Variants in CLSTN2 observed in about 807,000 individuals in gnomAD.
CLSTN2 encodes the protein calsyntenin 2.
In CLSTN2, 48 loss-of-function variants were observed where a neutral mutation model predicts 101.2. The ratio of observed to expected loss-of-function variants is 0.47; its 90% CI spans 0.38 to 0.60. The LOEUF (loss-of-function observed/expected upper bound fraction) is 0.60, where lower values mean the gene tolerates loss of function less well. Among genes scored for constraint, CLSTN2 ranks in the 20% least tolerant of loss-of-function variants. CLSTN2 has a pLI of 0.00. For synonymous variants in CLSTN2, 481 were observed against 463.6 expected (o/e 1.04, Z -0.48); for missense variants, 1,160 against 1,238.2 (o/e 0.94, Z 0.95).
chr3:139,942,857 C>A (rs1935155859), intron 1 of CLSTN2, among the ~76,000 whole-genome samples: 1 of 152,108 alleles, frequency 6.6e-6, no homozygotes, highest in Non-Finnish European at 1.5e-5. Flanking sequence ...CACTACTGAG[C>A]AGTTTTCTAA....
chr3:139,997,885 A>G (rs929777572), intron 1 of CLSTN2, among the ~76,000 whole-genome samples: 1 of 152,110 alleles, frequency 6.6e-6, no homozygotes, highest in Non-Finnish European at 1.5e-5. Flanking sequence ...TAAGTATTAA[A>G]ACTTCCTTTC....
At chr3:140,262,632 G>A (rs1203734018) in intron 2 of CLSTN2, among the ~76,000 whole-genome samples, 1 of 152,136 alleles carries the variant, frequency 6.6e-6, no homozygotes, top group Non-Finnish European at 1.5e-5. Flanking sequence ...TGGAATTTCA[G>A]GTGATGGTGC....
chr3:140,060,169 C>T (rs571816683), intron 1 of CLSTN2, among the ~76,000 whole-genome samples: 1 of 152,320 alleles, frequency 6.6e-6, no homozygotes, highest in South Asian at 2.1e-4. Context: ...CATTTTCTTG[C>T]ATCGTTATGC....
intron 1 of CLSTN2, among the ~76,000 whole-genome samples, chr3:139,944,840 C>A (rs1935190398): frequency 6.6e-6 from 1 of 152,242 alleles, no homozygotes; most frequent in African/African-American, 2.4e-5. Flanking sequence ...CTGCCCAAAC[C>A]AACTTGCAGC....
At chr3:139,949,780 G>A (rs890285476) in intron 1 of CLSTN2, among the ~76,000 whole-genome samples, 6 of 152,216 alleles carry the variant, frequency 3.9e-5, no homozygotes, top group African/African-American at 1.2e-4. Flanking sequence ...ATCAGCTGCT[G>A]CAGGTGGATC....
intron 1 of CLSTN2, among the ~76,000 whole-genome samples, chr3:139,942,019 T>C (rs1455478115): frequency 6.6e-6 from 1 of 152,094 alleles, no homozygotes; most frequent in Non-Finnish European, 1.5e-5. Flanking sequence ...GTGGTAAAAC[T>C]GGGGTTACAA....
intron 2 of CLSTN2, among the ~76,000 whole-genome samples, chr3:140,257,561 GGT>G (rs397877641): frequency 0.024 from 2,182 of 92,842 alleles, 15 homozygotes; most frequent in African/African-American, 0.032. Context: ...TCTTTCTAGG[GGT>G]GTGTGTGTGT....
intron 2 of CLSTN2, among the ~76,000 whole-genome samples, chr3:140,246,293 A>G (rs1429922094): frequency 6.6e-6 from 1 of 152,196 alleles, no homozygotes; most frequent in African/African-American, 2.4e-5. Context: ...AATTGAATGC[A>G]TCTCCTGCCC....
chr3:140,051,942 A>G (rs561901575), intron 1 of CLSTN2, among the ~76,000 whole-genome samples: 2 of 152,138 alleles, frequency 1.3e-5, no homozygotes, highest in African/African-American at 4.8e-5. Flanking sequence ...CTTGCATTTT[A>G]AGAAGTTTGC....
chr3:139,990,788 C>T (rs1256828202), intron 1 of CLSTN2, among the ~76,000 whole-genome samples: 2 of 152,156 alleles, frequency 1.3e-5, no homozygotes, highest in African/African-American at 4.8e-5. Context: ...TTGTAGTTCT[C>T]ACTGTAATGG....
At chr3:140,456,071 T>C (rs1427645582) in intron 6 of CLSTN2, among the ~76,000 whole-genome samples, 2 of 152,196 alleles carry the variant, frequency 1.3e-5, no homozygotes, top group African/African-American at 4.8e-5. Flanking sequence ...GGTCATATGA[T>C]TGGCCCCCTG....
intron 2 of CLSTN2, among the ~76,000 whole-genome samples, chr3:140,345,434 G>A (rs898164911): frequency 2.6e-5 from 4 of 151,720 alleles, no homozygotes; most frequent in Non-Finnish European, 5.9e-5. Flanking sequence ...ATCTTTAGTA[G>A]AGATAGGGTC....
At chr3:140,018,252 G>T (rs1222760727) in intron 1 of CLSTN2, among the ~76,000 whole-genome samples, 1 of 152,168 alleles carries the variant, frequency 6.6e-6, no homozygotes, top group Non-Finnish European at 1.5e-5. Context: ...TTACTTAATG[G>T]TCAGATGAAA....
intron 1 of CLSTN2, among the ~76,000 whole-genome samples, chr3:140,053,005 C>T (rs1302328013): frequency 6.6e-6 from 1 of 152,202 alleles, no homozygotes; most frequent in Non-Finnish European, 1.5e-5. Flanking sequence ...ACAGCACAGC[C>T]AACCACGAGC....
At chr3:140,526,990 A>T (rs1224824279) in intron 8 of CLSTN2, among the ~76,000 whole-genome samples, 1 of 152,204 alleles carries the variant, frequency 6.6e-6, no homozygotes. Flanking sequence ...TCCTAGAAGA[A>T]AACCTAAGAA....
At chr3:140,158,762 T>A (rs1224123926) in intron 1 of CLSTN2, among the ~76,000 whole-genome samples, 2 of 152,086 alleles carry the variant, frequency 1.3e-5, no homozygotes, top group African/African-American at 4.8e-5. Flanking sequence ...AGTGTCACAC[T>A]CCCTGATTTC....
chr3:140,149,196 G>T (rs1007666334), intron 1 of CLSTN2, among the ~76,000 whole-genome samples: 3 of 152,154 alleles, frequency 2.0e-5, no homozygotes, highest in African/African-American at 7.2e-5. Flanking sequence ...CCTGCTCTCA[G>T]TAACTCCTTG....
At chr3:140,222,466 G>GA (rs747430413) in intron 2 of CLSTN2, among the ~76,000 whole-genome samples, 2 of 151,954 alleles carry the variant, frequency 1.3e-5, no homozygotes, top group African/African-American at 2.4e-5. Flanking sequence ...TAAAATAACT[G>GA]AAAAAAATAT....
intron 4 of CLSTN2, among the ~76,000 whole-genome samples, chr3:140,411,925 G>A (rs906447895): frequency 2.0e-5 from 3 of 152,232 alleles, no homozygotes; most frequent in Non-Finnish European, 2.9e-5. Context: ...AACAGGAAGT[G>A]CAGGCTGGTA....
Sources: gnomAD v4.1 joint callset for allele counts (sites outside exome capture counted in the v4.1 genomes callset) on GRCh38, gnomAD v4.1.1 for gene constraint, MANE v1.5 for transcripts, NCBI Gene and HGNC (gene_info 2026-07-23, HGNC 2026-07-21) for gene names.